The following ANKRD30A variants were observed in gnomAD, a reference collection of about 807,000 sequenced individuals.
The protein encoded by ANKRD30A is ankyrin repeat domain-containing protein 30A.
In ANKRD30A, 170 loss-of-function variants were observed where a neutral mutation model predicts 166.3. The observed-to-expected ratio is 1.02, with a 90% CI of 0.90 to 1.16. ANKRD30A has a LOEUF of 1.16. ANKRD30A is among the 50% of genes most tolerant of loss of function. The pLI, the probability that ANKRD30A is intolerant of heterozygous loss-of-function variation, is 0.00. For synonymous variants in ANKRD30A, 564 were observed against 508.9 expected (o/e 1.11, Z -1.46); for missense variants, 1,630 against 1,518.0 (o/e 1.07, Z -1.23).
intron 15 of ANKRD30A, among the ~76,000 whole-genome samples, chr10:37,160,516 A>C (rs1838768376): frequency 6.6e-6 from 1 of 152,218 alleles, no homozygotes; most frequent in Non-Finnish European, 1.5e-5. Flanking sequence ...ATTTTCAAAA[A>C]TGCATAAGGT....
the ANKRD30A span, among the ~76,000 whole-genome samples, chr10:37,251,515 C>G: frequency 6.6e-6 from 1 of 152,148 alleles, no homozygotes; most frequent in Non-Finnish European, 1.5e-5. Flanking sequence ...CCTGACCACA[C>G]CCTGAGCCCT....
At chr10:37,161,625 C>T (rs1306047990) in intron 15 of ANKRD30A, among the ~76,000 whole-genome samples, 1 of 152,094 alleles carries the variant, frequency 6.6e-6, no homozygotes, top group Non-Finnish European at 1.5e-5. Context: ...AGACTGTGGG[C>T]ACTCCAGAGA....
chr10:37,261,462 C>G, the ANKRD30A span, among the ~76,000 whole-genome samples: 1 of 151,928 alleles, frequency 6.6e-6, no homozygotes. Context: ...GATCTGTAAT[C>G]CAAATTTAGC....
Position 37,219,592 on chromosome 10 carries a change from C to G in ANKRD30A, c.3880C>G (p.Gln1294Glu). 6.2e-7 allele frequency: 1 copy of G among 1,610,168 alleles called. No homozygotes were observed. Among genetic ancestry groups the G allele is most frequent in the Non-Finnish European group, 8.5e-7 (1 of 1,177,668 alleles). ...AAGAGACCAACGTGAAACACAGTGT[C>G]AAATGAAGGAAGCTGAACACATGTA... ...AQRDQRETQC[Q>E]MKEAEHMYQN... Residue 1294 changes from glutamine to glutamate, a missense_variant, in exon 34 of 36, where the codon CAA becomes GAA. Coordinates refer to ENST00000361713, the MANE Select transcript of ANKRD30A (RefSeq NM_052997.3).
chr10:37,177,961 A>G (rs1839861229), intron 24 of ANKRD30A, among the ~76,000 whole-genome samples: 1 of 149,962 alleles, frequency 6.7e-6, no homozygotes, highest in African/African-American at 2.4e-5. Flanking sequence ...CTGAATTACT[A>G]GTTTAAATTC....
intron 31 of ANKRD30A, among the ~76,000 whole-genome samples, chr10:37,209,456 A>G (rs937425915): frequency 1.3e-5 from 2 of 152,074 alleles, no homozygotes; most frequent in African/African-American, 2.4e-5. Context: ...ATGCATGTTT[A>G]AATGACCAAT....
chr10:37,164,845 A>G (rs991009929), intron 17 of ANKRD30A, among the ~76,000 whole-genome samples: 17 of 152,100 alleles, frequency 1.1e-4, no homozygotes, highest in South Asian at 2.1e-4. Context: ...TTTGTGAAGA[A>G]ATAATTCATA....
intron 25 of ANKRD30A, among the ~76,000 whole-genome samples, chr10:37,192,492 C>G (rs1480250287): frequency 6.6e-6 from 1 of 151,916 alleles, no homozygotes; most frequent in East Asian, 1.9e-4. Flanking sequence ...AACTTTTATT[C>G]TATAAGTAGA....
chr10:37,167,129 A>G (rs1252287751), intron 19 of ANKRD30A, among the ~76,000 whole-genome samples: 1 of 151,810 alleles, frequency 6.6e-6, no homozygotes, highest in Admixed American at 6.6e-5. Flanking sequence ...TTTTCTATGA[A>G]GGAAAATGGA....
intron 27 of ANKRD30A, among the ~76,000 whole-genome samples, chr10:37,196,821 C>T (rs1326172408): frequency 1.3e-5 from 2 of 152,022 alleles, no homozygotes; most frequent in African/African-American, 4.8e-5. Context: ...AAGTGTATAT[C>T]CAAGCTGATC....
chr10:37,208,405 A>C (rs1012220618), intron 31 of ANKRD30A, among the ~76,000 whole-genome samples: 4 of 152,158 alleles, frequency 2.6e-5, no homozygotes, highest in African/African-American at 9.7e-5. Flanking sequence ...GGTAACAGAG[A>C]GTTCCTACCG....
At chr10:37,233,924 C>T (rs371228939), downstream of ANKRD30A, among the ~76,000 whole-genome samples, 3 of 152,112 alleles carry the variant, frequency 2.0e-5, no homozygotes, top group East Asian at 3.8e-4. Context: ...TCTAATCTAA[C>T]ATAAAATATG....
intron 3 of ANKRD30A, among the ~76,000 whole-genome samples, 155 bp downstream of exon 3, chr10:37,130,533 A>G (rs1319603428): frequency 6.6e-6 from 1 of 152,222 alleles, no homozygotes; most frequent in Non-Finnish European, 1.5e-5. Flanking sequence ...TTAAATATTA[A>G]TGTTTTTACA....
chr10:37,183,459 T>A (rs543450385), intron 24 of ANKRD30A, among the ~76,000 whole-genome samples: 2 of 146,948 alleles, frequency 1.4e-5, no homozygotes, highest in Non-Finnish European at 3.0e-5. Flanking sequence ...CTCTTGTATA[T>A]GAAATAATGT....
At chr10:37,247,881 CAA>C in the ANKRD30A span, among the ~76,000 whole-genome samples, 25 of 53,158 alleles carry the variant, frequency 4.7e-4, no homozygotes, top group Admixed American at 8.5e-4. Context: ...GACTCCATCT[CAA>C]AAAAAAAAAA....
Position 37,219,849 on chromosome 10 carries a change from T to A in ANKRD30A, c.4137T>A (p.His1379Gln). The A allele has an allele frequency of 6.3e-7, 1 of 1,579,710 alleles. No homozygotes were observed. Among genetic ancestry groups the A allele is most frequent in the South Asian group, 1.2e-5 (1 of 86,276 alleles). Residue 1379 changes from histidine to glutamine, a missense_variant, in exon 34 of 36, where the codon CAT becomes CAA. Physicochemically the swap from His to Gln is conservative, Grantham distance 24. Coordinates refer to ENST00000361713, the MANE Select transcript of ANKRD30A (RefSeq NM_052997.3). Reference sequence around the variant, plus strand: ...AGGAGATATTTAATTACAATAACCATTTAAAAAACCGTATATATCAATATG... The same window carrying A: ...AGGAGATATTTAATTACAATAACCAATTAAAAAACCGTATATATCAATATG... Reference protein sequence around the residue: ...KNEEIFNYNNHLKNRIYQYEK... With the variant: ...KNEEIFNYNNQLKNRIYQYEK...
At chr10:37,152,678 G>A (rs1344975545) in intron 12 of ANKRD30A, among the ~76,000 whole-genome samples, 2 of 152,108 alleles carry the variant, frequency 1.3e-5, no homozygotes, top group African/African-American at 4.8e-5. Flanking sequence ...AGTATTGGTT[G>A]AGTAGTCTTT....
chr10:37,151,980 G>T, intron 11 of ANKRD30A, 80 bp from the exon 12 acceptor site: 1 of 1,284,390 alleles, frequency 7.8e-7, no homozygotes, highest in Non-Finnish European at 1.1e-6. Context: ...ATTCGTGAAT[G>T]AAAGTAGATT....
intron 4 of ANKRD30A, 63 bp from the exon 5 acceptor site, chr10:37,133,853 A>T: frequency 6.4e-7 from 1 of 1,566,390 alleles, no homozygotes; most frequent in South Asian, 1.2e-5. Flanking sequence ...TAATTCTACA[A>T]TGACAGGCAC....
Sources: allele counts gnomAD v4.1 joint callset (sites outside exome capture counted in the v4.1 genomes callset), GRCh38; gene constraint gnomAD v4.1.1; transcripts MANE v1.5; gene names NCBI Gene and HGNC (gene_info 2026-07-23, HGNC 2026-07-21).